PPP3CA: variants seen among roughly 807,000 people sequenced by gnomAD.
PPP3CA encodes the protein CAM-PRP catalytic subunit.
Under a neutral mutation model 66.5 loss-of-function variants are expected in PPP3CA, and 14 were observed. The ratio of observed to expected loss-of-function variants is 0.21; its 90% CI spans 0.14 to 0.33. The LOEUF is 0.33. PPP3CA is among the 10% of genes least tolerant of loss of function. The pLI is 1.00. For synonymous variants in PPP3CA, 232 were observed against 226.2 expected (o/e 1.03, Z -0.23); for missense variants, 317 against 639.5 (o/e 0.50, Z 5.44).
intron 1 of PPP3CA, among the ~76,000 whole-genome samples, chr4:101,207,729 G>A (rs1725178031): frequency 6.6e-6 from 1 of 152,076 alleles, no homozygotes; most frequent in African/African-American, 2.4e-5. Context: ...GGGAGGCTGA[G>A]GCAGGAGAAT....
intron 1 of PPP3CA, among the ~76,000 whole-genome samples, chr4:101,257,274 T>C (rs1370223950): frequency 6.6e-6 from 1 of 151,602 alleles, no homozygotes; most frequent in African/African-American, 2.4e-5. Context: ...AATGGGTTGG[T>C]TAGTTACCTC....
intron 11 of PPP3CA, among the ~76,000 whole-genome samples, chr4:101,038,410 C>T (rs1192631813): frequency 6.6e-6 from 1 of 150,898 alleles, no homozygotes; most frequent in East Asian, 1.9e-4. Context: ...TGCTCTGTCA[C>T]CCAGGCTGGA....
chr4:101,101,095 T>C (rs1730420358), intron 3 of PPP3CA, among the ~76,000 whole-genome samples: 1 of 152,178 alleles, frequency 6.6e-6, no homozygotes, highest in Non-Finnish European at 1.5e-5. Context: ...AAATTATATA[T>C]GTTACTTTAA....
intron 2 of PPP3CA, among the ~76,000 whole-genome samples, chr4:101,181,574 T>C (rs1432940616): frequency 6.6e-6 from 1 of 152,060 alleles, no homozygotes; most frequent in Non-Finnish European, 1.5e-5. Context: ...ATAAGTATAA[T>C]CTGGAATCTA....
intron 3 of PPP3CA, chr4:101,108,222 T>C (rs140689012): frequency 6.6e-6 from 1 of 152,350 alleles, no homozygotes; most frequent in African/African-American, 2.4e-5. Context: ...TACTCACACA[T>C]AGACAACCAC....
intron 1 of PPP3CA, among the ~76,000 whole-genome samples, chr4:101,233,222 A>T (rs976980546): frequency 1.3e-5 from 2 of 151,780 alleles, no homozygotes; most frequent in Non-Finnish European, 2.9e-5. Flanking sequence ...TAGTAAGAAG[A>T]ATTTTCAGCT....
intron 1 of PPP3CA, among the ~76,000 whole-genome samples, chr4:101,305,978 A>AT (rs1023532643): frequency 2.8e-4 from 41 of 147,738 alleles, no homozygotes; most frequent in East Asian, 1.2e-3. Flanking sequence ...GAAGTAGGAG[A>AT]TTTTTTTTTT....
chr4:101,089,963 T>C (rs1729839774), intron 6 of PPP3CA, among the ~76,000 whole-genome samples: 1 of 152,232 alleles, frequency 6.6e-6, no homozygotes, highest in Admixed American at 6.5e-5. Context: ...AGATAGTGGA[T>C]AGGCTGGCAT....
intron 1 of PPP3CA, among the ~76,000 whole-genome samples, chr4:101,339,560 G>A (rs1032591745): frequency 6.6e-6 from 1 of 152,156 alleles, no homozygotes; most frequent in African/African-American, 2.4e-5. Context: ...GATTGGGCTG[G>A]AGAAAGAAGC....
chr4:101,055,547 C>A (rs887319412), intron 10 of PPP3CA, among the ~76,000 whole-genome samples: 43 of 152,250 alleles, frequency 2.8e-4, no homozygotes, highest in African/African-American at 9.6e-4. Flanking sequence ...TTATTTTCAA[C>A]ATAGAAGACC....
At chr4:101,076,047 TA>T (rs944360789) in intron 8 of PPP3CA, among the ~76,000 whole-genome samples, 5 of 152,154 alleles carry the variant, frequency 3.3e-5, no homozygotes, top group African/African-American at 9.7e-5. Flanking sequence ...ATAATTTTTT[TA>T]AAAATTGAAG....
intron 1 of PPP3CA, among the ~76,000 whole-genome samples, chr4:101,273,936 TA>T (rs1280104845): frequency 1.4e-5 from 2 of 147,268 alleles, no homozygotes; most frequent in Non-Finnish European, 1.5e-5. Context: ...TTGATTTAAG[TA>T]AAAAAAAAAC....
intron 1 of PPP3CA, among the ~76,000 whole-genome samples, chr4:101,227,350 A>G (rs909761186): frequency 1.3e-5 from 2 of 151,702 alleles, no homozygotes; most frequent in Non-Finnish European, 3.0e-5. Flanking sequence ...TGTTTTATAT[A>G]CTAAATTATG....
intron 4 of PPP3CA, 122 bp downstream of exon 4, chr4:101,099,489 A>C: frequency 2.1e-6 from 1 of 472,042 alleles, no homozygotes; most frequent in Non-Finnish European, 3.7e-6. Flanking sequence ...GGATAATATG[A>C]AAGAGTGTCA....
chr4:101,026,050 A>T lies in PPP3CA; in HGVS notation c.1381T>A (p.Phe461Ile). The change falls in exon 14 of 14, where the codon TTT becomes ATT. Residue 461 changes from phenylalanine (F) to isoleucine (I), a missense_variant. Coordinates refer to ENST00000394854, the MANE Select transcript of PPP3CA (RefSeq NM_000944.5). ...AIEADEAIKG[F>I]SPQHKITSFE... ...CTAGTGATCTTATGTTGTGGTGAAA[A>T]TCCTTTGATAGCTAAACAGAAAATC... The T allele has an allele frequency of 6.3e-7, 1 of 1,591,192 alleles. No individual in the cohort carries two copies. Among genetic ancestry groups the T allele is most frequent in the Non-Finnish European group, 8.5e-7 (1 of 1,170,764 alleles).
intron 13 of PPP3CA, among the ~76,000 whole-genome samples, chr4:101,028,299 T>A (rs1362667204): frequency 6.6e-6 from 1 of 152,194 alleles, no homozygotes; most frequent in East Asian, 1.9e-4. Context: ...TAATAAATAT[T>A]AAAAACTATT....
At chr4:101,304,918 T>C (rs112252946) in intron 1 of PPP3CA, among the ~76,000 whole-genome samples, 4 of 152,326 alleles carry the variant, frequency 2.6e-5, no homozygotes, top group African/African-American at 9.6e-5. Flanking sequence ...TCTGGCCCAA[T>C]TTAAGGAAAA....
At chr4:101,342,711 AC>A (rs1358985481) in intron 1 of PPP3CA, among the ~76,000 whole-genome samples, 2 of 152,206 alleles carry the variant, frequency 1.3e-5, no homozygotes, top group Non-Finnish European at 2.9e-5. Context: ...ATGAAACTCA[AC>A]TGATGGTAAC....
chr4:101,134,699 T>C (rs1010771308), intron 2 of PPP3CA, among the ~76,000 whole-genome samples: 3 of 152,214 alleles, frequency 2.0e-5, no homozygotes, highest in African/African-American at 7.2e-5. Context: ...GAACTGGAAA[T>C]ACCATTTGAC....
Sources: gnomAD v4.1 joint callset for allele counts (sites outside exome capture counted in the v4.1 genomes callset) on GRCh38, gnomAD v4.1.1 for gene constraint, MANE v1.5 for transcripts, NCBI Gene and HGNC (gene_info 2026-07-23, HGNC 2026-07-21) for gene names.